Variants in FTCDNL1 observed in about 807,000 individuals in gnomAD.
FTCDNL1 encodes the protein formiminotransferase N-terminal subdomain-containing protein.
FTCDNL1 carries 11 observed loss-of-function variants against 5.9 expected under a neutral mutation model. The ratio of observed to expected loss-of-function variants is 1.87; its 90% CI spans 1.18 to 3.10. The LOEUF is 3.10. Among genes scored for constraint, FTCDNL1 ranks in the 30% most tolerant of loss-of-function variants. FTCDNL1 has a pLI of 0.00. For synonymous variants in FTCDNL1, 58 were observed against 24.8 expected (o/e 2.34, Z -3.99); for missense variants, 115 against 65.5 (o/e 1.76, Z -2.61).
the FTCDNL1 span, among the ~76,000 whole-genome samples, chr2:199,724,301 G>T: frequency 2.0e-5 from 3 of 151,894 alleles, no homozygotes; most frequent in East Asian, 1.9e-4. Context: ...CTAGTTAGTG[G>T]TCTATATATT....
intron 4 of FTCDNL1, chr2:199,819,336 A>C: frequency 1.9e-6 from 1 of 520,684 alleles, no homozygotes. Context: ...GGCTAATGAT[A>C]TATCTTGAAT....
chr2:199,716,785 C>G, the FTCDNL1 span, among the ~76,000 whole-genome samples: 2,879 of 152,140 alleles, frequency 0.019, 44 homozygotes, highest in Non-Finnish European at 0.031. Flanking sequence ...GCTGAAAGGA[C>G]AAATAAAATT....
chr2:199,828,580 T>G (rs1188459567), intron 3 of FTCDNL1, among the ~76,000 whole-genome samples: 1 of 152,216 alleles, frequency 6.6e-6, no homozygotes, highest in Non-Finnish European at 1.5e-5. Context: ...CTGCTTCATA[T>G]TTGTGTCCTC....
intron 4 of FTCDNL1, among the ~76,000 whole-genome samples, chr2:199,813,912 CAAAAAAAAAAAAAAAA>C (rs397987315): frequency 7.5e-4 from 80 of 106,354 alleles, no homozygotes; most frequent in African/African-American, 2.3e-3. Context: ...GACTCTGTCT[CAAAAAAAAAAAAAAAA>C]AAAAAAAAAA....
At chr2:199,835,876 T>C (rs1270781112) in intron 3 of FTCDNL1, among the ~76,000 whole-genome samples, 1 of 152,194 alleles carries the variant, frequency 6.6e-6, no homozygotes, top group Admixed American at 6.5e-5. Context: ...CCCCTCAACT[T>C]TGAGGCCCCC....
At chr2:199,689,161 T>A in the FTCDNL1 span, among the ~76,000 whole-genome samples, 1 of 152,344 alleles carries the variant, frequency 6.6e-6, no homozygotes, top group South Asian at 2.1e-4. Context: ...AGAATTGATA[T>A]GACAATGTTC....
chr2:199,836,961 G>T (rs530801606), intron 3 of FTCDNL1, among the ~76,000 whole-genome samples: 1 of 152,184 alleles, frequency 6.6e-6, no homozygotes, highest in African/African-American at 2.4e-5. Flanking sequence ...TAACTTGCTT[G>T]CTCACTCACA....
chr2:199,786,667 A>AT (rs1388652220), intron 3 of FTCDNL1, among the ~76,000 whole-genome samples: 2 of 152,102 alleles, frequency 1.3e-5, no homozygotes, highest in African/African-American at 4.8e-5. Flanking sequence ...TACAGTACAT[A>AT]TTTTTTCATA....
rs1700917024 is a variant in FTCDNL1 at position 199,809,590 on chromosome 2, T to C, written c.*3115A>G. ...CATTGACACATAGCTTCTTTTAGTA[T>C]ACAAAAAGGCTACAAATTTTCTTTT... On this transcript the variant is annotated 3_prime_UTR_variant, in exon 5 of 5. Coordinates refer to ENST00000420128, the MANE Select transcript of FTCDNL1 (RefSeq NM_001363886.2). 2.0e-5 allele frequency among the ~76,000 whole-genome samples: 3 copies of C among 152,322 alleles called. No homozygotes were observed. The highest frequency in any genetic ancestry group is 2.1e-4 in the South Asian group (1 of 4,826).
intron 3 of FTCDNL1, among the ~76,000 whole-genome samples, chr2:199,790,357 G>A (rs986618291): frequency 3.3e-5 from 5 of 152,016 alleles, no homozygotes; most frequent in African/African-American, 1.2e-4. Context: ...AATTAGCTGG[G>A]CATAGTGATG....
At chr2:199,806,932 T>C (rs985145298), downstream of FTCDNL1, among the ~76,000 whole-genome samples, 1 of 152,214 alleles carries the variant, frequency 6.6e-6, no homozygotes, top group East Asian at 1.9e-4. Flanking sequence ...TCTTCACAGT[T>C]GGTGAAAGGA....
intron 3 of FTCDNL1, among the ~76,000 whole-genome samples, chr2:199,761,512 G>A (rs1698270551): frequency 6.6e-6 from 1 of 152,160 alleles, no homozygotes; most frequent in African/African-American, 2.4e-5. Flanking sequence ...GTGAGTACAT[G>A]CCTCCCACCT....
At chr2:199,707,241 T>C in the FTCDNL1 span, among the ~76,000 whole-genome samples, 1 of 152,220 alleles carries the variant, frequency 6.6e-6, no homozygotes, top group Non-Finnish European at 1.5e-5. Flanking sequence ...AGAATTTATA[T>C]GTTATTAGTA....
chr2:199,722,303 A>G, the FTCDNL1 span, among the ~76,000 whole-genome samples: 2 of 152,172 alleles, frequency 1.3e-5, no homozygotes, highest in Non-Finnish European at 2.9e-5. Flanking sequence ...TAATTTTTGT[A>G]TAAGGTGTAA....
At chr2:199,819,790 C>T in intron 3 of FTCDNL1, 33 bp from the exon 4 acceptor site, 1 of 677,144 alleles carries the variant, frequency 1.5e-6, no homozygotes, top group Non-Finnish European at 2.7e-6. Context: ...CAAAGAAAAT[C>T]ACAATCAAGC....
At chr2:199,698,703 C>A in the FTCDNL1 span, among the ~76,000 whole-genome samples, 1 of 152,114 alleles carries the variant, frequency 6.6e-6, no homozygotes, top group African/African-American at 2.4e-5. Context: ...AACCTAACAT[C>A]ATACCCAGAG....
the FTCDNL1 span, among the ~76,000 whole-genome samples, chr2:199,665,634 TAAAAA>T: frequency 3.2e-5 from 4 of 126,914 alleles, no homozygotes; most frequent in Non-Finnish European, 6.6e-5. Flanking sequence ...AACTTCGTCT[TAAAAA>T]AAAAAAAAAA....
At chr2:199,669,122 C>A in the FTCDNL1 span, among the ~76,000 whole-genome samples, 1 of 152,072 alleles carries the variant, frequency 6.6e-6, no homozygotes, top group Admixed American at 6.6e-5. Context: ...GAAATAAATT[C>A]AACTTAACTG....
intron 3 of FTCDNL1, among the ~76,000 whole-genome samples, chr2:199,842,852 A>G (rs1420439000): frequency 6.6e-6 from 1 of 152,106 alleles, no homozygotes. Context: ...TATTCTAGGG[A>G]AAAACATCCT....
Sources: gnomAD v4.1 joint callset for allele counts (sites outside exome capture counted in the v4.1 genomes callset) on GRCh38, gnomAD v4.1.1 for gene constraint, MANE v1.5 for transcripts, NCBI Gene and HGNC (gene_info 2026-07-23, HGNC 2026-07-21) for gene names.